VWA3A: variants seen among roughly 807,000 people sequenced by gnomAD.
VWA3A encodes the protein von Willebrand factor A domain-containing protein 3A.
A neutral mutation model predicts 160.4 loss-of-function variants in VWA3A; 134 were observed. That is an observed-to-expected ratio of 0.84 (90% confidence interval 0.73 to 0.96). The LOEUF (loss-of-function observed/expected upper bound fraction) is 0.96. Among genes scored for constraint, VWA3A ranks in the 40% least tolerant of loss-of-function variants. The pLI, the probability that VWA3A is intolerant of heterozygous loss-of-function variation, is 0.00. For synonymous variants in VWA3A, 476 were observed against 543.4 expected, an observed-to-expected ratio of 0.88 and a Z score of 1.72; for missense variants, 1,310 against 1,447.9, an observed-to-expected ratio of 0.90 and a Z score of 1.55.
chr16:22,150,356 G>A (rs963568809), intron 29 of VWA3A, among the ~76,000 whole-genome samples: 1 of 152,084 alleles, frequency 6.6e-6, no homozygotes, highest in Non-Finnish European at 1.5e-5. Flanking sequence ...AGCCGAGATT[G>A]CACCATTGCA....
intron 26 of VWA3A, among the ~76,000 whole-genome samples, chr16:22,145,057 G>A (rs1239701327): frequency 6.6e-6 from 1 of 152,212 alleles, no homozygotes; most frequent in Non-Finnish European, 1.5e-5. Flanking sequence ...GTGATAGGAA[G>A]TGAAGGGTTC....
At chr16:22,137,731 GA>G (rs758965586) in intron 21 of VWA3A, among the ~76,000 whole-genome samples, 1 of 152,212 alleles carries the variant, frequency 6.6e-6, no homozygotes, top group Non-Finnish European at 1.5e-5. Flanking sequence ...ATGGGCAGGG[GA>G]GATGAAGAAG....
chr16:22,155,689 G>A (rs553835209), intron 32 of VWA3A, 25 bp downstream of exon 32: 77 of 1,611,516 alleles, frequency 4.8e-5, no homozygotes, highest in South Asian at 1.4e-4. Context: ...CAGCCTCTCC[G>A]GCCTGCCATG....
Position 22,146,344 on chromosome 16 carries a change from G to A in VWA3A, c.2839G>A (p.Gly947Arg), listed in dbSNP as rs760116488. 134 of 1,611,588 alleles carry A rather than the reference G, an allele frequency of 8.3e-5. No individual in the cohort carries two copies. The Middle Eastern group carries it at 1.2e-3, about 14-fold the overall frequency. ...CCAGAGGCTGCAGTGGCTGCTGTCCGGTGAGCCTGCCCACTGCCCTGAAGG... is the reference window on the plus strand; with the variant it reads ...CCAGAGGCTGCAGTGGCTGCTGTCCAGTGAGCCTGCCCACTGCCCTGAAGG... ...YVQRLQWLLS[G>R]SRRLFGTVLE... The change falls in exon 27 of 34, where the codon GGG becomes AGG. Residue 947 changes from glycine (G) to arginine (R), a missense_variant and splice_region_variant. Physicochemically the swap from Gly to Arg is moderately radical, Grantham distance 125 (BLOSUM62 -2). Transcript: ENST00000389398.
Position 22,155,712 on chromosome 16 carries a change from A to T in VWA3A, c.3503+48A>T, listed in dbSNP as rs750028831. Reference sequence around the variant, plus strand: ...CCGGCCTGCCATGTGGCTACAGCCCATGCAGACCCCGGACCCCATCGAGAA... The same window carrying T: ...CCGGCCTGCCATGTGGCTACAGCCCTTGCAGACCCCGGACCCCATCGAGAA... On this transcript the variant is annotated intron_variant, in intron 32 of 33. Coordinates refer to ENST00000389398, the MANE Select transcript of VWA3A (RefSeq NM_173615.5). 3.7e-6 allele frequency: 6 copies of T among 1,605,988 alleles called. No homozygotes were observed. In the Admixed American group the frequency reaches 1.0e-4, roughly 27 times the overall value.
At chr16:22,096,393 G>A (rs889221868) in intron 1 of VWA3A, among the ~76,000 whole-genome samples, 9 of 152,152 alleles carry the variant, frequency 5.9e-5, no homozygotes, top group Non-Finnish European at 1.0e-4. Context: ...CCAGGAGTTC[G>A]AGGCTGCCAT....
rs372762889 is a variant in VWA3A at position 22,126,330 on chromosome 16, G to A, written c.1652+33G>A. The A allele has an allele frequency of 1.6e-5, 25 of 1,599,440 alleles. No individual in the cohort carries two copies. In the African/African-American group the frequency reaches 3.1e-4, roughly 20 times the overall value. ...TCTCCTGGCTCCTGGGGGCAAGGGT[G>A]GGTCGTGTGTGTTTGGATGCCGTCA... On this transcript the variant is annotated intron_variant, in intron 17 of 33. Transcript: ENST00000389398.
intron 17 of VWA3A, 145 bp from the exon 18 acceptor site, chr16:22,131,060 T>C (rs574536536): frequency 2.8e-6 from 2 of 712,008 alleles, no homozygotes; most frequent in African/African-American, 1.8e-5. Flanking sequence ...GGAAATCTCA[T>C]GGCTGGCCCA....
At chr16:22,112,700 G>C (rs900551991) in intron 8 of VWA3A, among the ~76,000 whole-genome samples, 1 of 152,144 alleles carries the variant, frequency 6.6e-6, no homozygotes, top group Non-Finnish European at 1.5e-5. Context: ...TTCAGCCTGG[G>C]TGACAGAGAG....
intron 26 of VWA3A, among the ~76,000 whole-genome samples, chr16:22,144,936 T>C (rs540065966): frequency 1.3e-5 from 2 of 151,812 alleles, no homozygotes; most frequent in Non-Finnish European, 2.9e-5. Flanking sequence ...AAGGAAAAGA[T>C]AGGAAAAATA....
chr16:22,104,437 C>T (rs902070110), intron 6 of VWA3A, among the ~76,000 whole-genome samples: 10 of 152,006 alleles, frequency 6.6e-5, no homozygotes, highest in Non-Finnish European at 1.2e-4. Context: ...TGCAGTGAGC[C>T]GAGATCACGC....
rs938439395 is a variant in VWA3A at position 22,149,859 on chromosome 16, G to A, written c.3057G>A (p.Ala1019=). Residue 1019 remains alanine, a synonymous_variant, in exon 29 of 34, where the codon GCG becomes GCA. Transcript: ENST00000389398. Reference sequence around the variant, plus strand: ...CGCTGGTGGAGACCACAGATGCAGCGTGTCATGAGGCTATGCAATGGGTGA... The same window carrying A: ...CGCTGGTGGAGACCACAGATGCAGCATGTCATGAGGCTATGCAATGGGTGA... The part of the protein sequence containing the change: ...QDTLVETTDA[A]CHEAMQWVTH... 7.2e-5 allele frequency: 116 copies of A among 1,612,710 alleles called. No homozygotes were observed. The highest frequency in any genetic ancestry group is 1.7e-4 in the Middle Eastern group (1 of 6,054).
intron 24 of VWA3A, 76 bp from the exon 25 acceptor site, chr16:22,142,591 TG>T: frequency 8.7e-7 from 1 of 1,147,942 alleles, no homozygotes; most frequent in Non-Finnish European, 1.3e-6. Flanking sequence ...TCTCCAACAC[TG>T]GGGATCACAT....
At chr16:22,142,535 A>G in intron 24 of VWA3A, 133 bp from the exon 25 acceptor site, 1 of 655,928 alleles carries the variant, frequency 1.5e-6, no homozygotes, top group South Asian at 1.7e-5. Flanking sequence ...TGATCTATTC[A>G]TGAGGGATCC....
At position 22,156,233 on chromosome 16, in the gene VWA3A, C is replaced by G. The variant is rs1438516730; in HGVS notation, c.*216C>G. 1 of 299,010 alleles carries G rather than the reference C, an allele frequency of 3.3e-6. No individual in the cohort carries two copies. Among genetic ancestry groups the G allele is most frequent in the Admixed American group, 4.8e-5 (1 of 20,652 alleles). 18.5% of individuals were successfully genotyped at this position (299,010 alleles called of 1,614,324 possible). ...CTCCAGCCCTGTCCCGCAGCGCACT[C>G]TACTCTCCAGCCACTAGATTGTCCC... On this transcript the variant is annotated 3_prime_UTR_variant, in exon 34 of 34. Coordinates refer to ENST00000389398, the MANE Select transcript of VWA3A (RefSeq NM_173615.5).
At chr16:22,122,815 C>T (rs755194259) in intron 14 of VWA3A, among the ~76,000 whole-genome samples, 33 of 152,258 alleles carry the variant, frequency 2.2e-4, no homozygotes, top group Non-Finnish European at 2.6e-4. Context: ...GGGAAAACAG[C>T]CTGAGAGGCT....
At chr16:22,127,804 G>A (rs1598078662) in intron 17 of VWA3A, among the ~76,000 whole-genome samples, 4 of 152,192 alleles carry the variant, frequency 2.6e-5, no homozygotes, top group Non-Finnish European at 5.9e-5. Flanking sequence ...CTAACAGTGG[G>A]AGACAGGGAT....
At chr16:22,132,147 G>A (rs771018085) in intron 19 of VWA3A, among the ~76,000 whole-genome samples, 4 of 152,188 alleles carry the variant, frequency 2.6e-5, no homozygotes, top group African/African-American at 4.8e-5. Context: ...ACTTTGGGAG[G>A]CTGAGGCAGG....
chr16:22,123,889 T>C (rs1421726310), intron 16 of VWA3A, among the ~76,000 whole-genome samples, 182 bp downstream of exon 16: 9 of 152,076 alleles, frequency 5.9e-5, no homozygotes, highest in Admixed American at 5.2e-4. Flanking sequence ...ATGTCAATAA[T>C]GTCATCATTG....
Sources: gnomAD v4.1 joint callset for allele counts (sites outside exome capture counted in the v4.1 genomes callset) on GRCh38, gnomAD v4.1.1 for gene constraint, MANE v1.5 for transcripts, NCBI Gene and HGNC (gene_info 2026-07-23, HGNC 2026-07-21) for gene names.